Variants in KSR1 observed in about 807,000 individuals in gnomAD.
KSR1 encodes the protein kinase suppressor of ras.
In KSR1, 35 loss-of-function variants were observed where a neutral mutation model predicts 92.9. The observed-to-expected ratio is 0.38, with a 90% CI of 0.29 to 0.50. The LOEUF (loss-of-function observed/expected upper bound fraction) is 0.50. KSR1 is among the 20% of genes least tolerant of loss of function. KSR1 has a pLI of 0.94. For synonymous variants in KSR1, 467 were observed against 472.6 expected, an observed-to-expected ratio of 0.99 and a Z score of 0.15; for missense variants, 972 against 1,158.5, an observed-to-expected ratio of 0.84 and a Z score of 2.34.
intron 1 of KSR1, among the ~76,000 whole-genome samples, chr17:27,473,512 A>G (rs1167015258): frequency 6.6e-6 from 1 of 152,190 alleles, no homozygotes; most frequent in African/African-American, 2.4e-5. Context: ...GGAGAGGGGC[A>G]TCCTTGTGAG....
intron 2 of KSR1, among the ~76,000 whole-genome samples, chr17:27,552,279 C>T (rs1034217012): frequency 2.6e-5 from 4 of 152,212 alleles, no homozygotes; most frequent in African/African-American, 9.7e-5. Flanking sequence ...CCATGAGACA[C>T]GGCCTTGCTG....
At chr17:27,606,223 G>A (rs1234123390) in intron 14 of KSR1, among the ~76,000 whole-genome samples, 1 of 152,182 alleles carries the variant, frequency 6.6e-6, no homozygotes, top group Non-Finnish European at 1.5e-5. Context: ...AGGCTGCAGC[G>A]AGCCAAGATC....
chr17:27,610,033 G>T (rs371898493), intron 16 of KSR1, 34 bp from the exon 17 acceptor site: 4 of 1,612,052 alleles, frequency 2.5e-6, no homozygotes, highest in Admixed American at 1.7e-5. Flanking sequence ...CTGCTGAAAG[G>T]CCTGTGTCCT....
At chr17:27,534,003 A>T (rs2070657546) in intron 1 of KSR1, among the ~76,000 whole-genome samples, 1 of 152,198 alleles carries the variant, frequency 6.6e-6, no homozygotes, top group African/African-American at 2.4e-5. Flanking sequence ...ACCACTATCC[A>T]GGTCTGGAGA....
chr17:27,609,965 T>C (rs2073869220), intron 16 of KSR1, 102 bp from the exon 17 acceptor site: 2 of 1,459,652 alleles, frequency 1.4e-6, no homozygotes, highest in Non-Finnish European at 1.9e-6. Context: ...TTCTAAGCTG[T>C]GTGTGGGTGT....
At chr17:27,553,073 CCTT>C (rs1026090907) in intron 2 of KSR1, among the ~76,000 whole-genome samples, 72 of 152,326 alleles carry the variant, frequency 4.7e-4, no homozygotes, top group African/African-American at 1.6e-3. Flanking sequence ...ACTTCTCTCT[CCTT>C]CTTCTTGGAA....
At chr17:27,472,703 T>C (rs2020082655) in intron 1 of KSR1, among the ~76,000 whole-genome samples, 2 of 152,148 alleles carry the variant, frequency 1.3e-5, no homozygotes, top group African/African-American at 4.8e-5. Flanking sequence ...CTCAGGAGGC[T>C]GAGGCAGGAG....
chr17:27,591,041 T>C, intron 7 of KSR1, 147 bp downstream of exon 7: 3 of 677,002 alleles, frequency 4.4e-6, no homozygotes, highest in Non-Finnish European at 5.1e-6. Flanking sequence ...AAGTTACTCC[T>C]GGAAGAAGGG....
chr17:27,513,673 C>A (rs1175127492), intron 1 of KSR1, among the ~76,000 whole-genome samples: 4 of 152,186 alleles, frequency 2.6e-5, no homozygotes, highest in Non-Finnish European at 2.9e-5. Flanking sequence ...TGTCTCTGAG[C>A]TTCTCTTGGG....
chr17:27,541,833 G>A (rs1190217079), intron 1 of KSR1, among the ~76,000 whole-genome samples: 1 of 152,230 alleles, frequency 6.6e-6, no homozygotes, highest in Non-Finnish European at 1.5e-5. Flanking sequence ...ATTTGTGAGT[G>A]ACGGCAAAGG....
chr17:27,495,462 C>T (rs1311077954), intron 1 of KSR1, among the ~76,000 whole-genome samples: 2 of 152,200 alleles, frequency 1.3e-5, no homozygotes, highest in African/African-American at 4.8e-5. Flanking sequence ...ACTTGGAGGA[C>T]ATGTCTGCCC....
intron 1 of KSR1, among the ~76,000 whole-genome samples, chr17:27,536,769 G>T (rs974113125): frequency 6.6e-6 from 1 of 152,214 alleles, no homozygotes; most frequent in Non-Finnish European, 1.5e-5. Flanking sequence ...GACCCTGGGT[G>T]GGGACCATTC....
intron 1 of KSR1, among the ~76,000 whole-genome samples, chr17:27,467,235 TCCAG>T (rs1448730533): frequency 2.0e-5 from 3 of 152,212 alleles, no homozygotes; most frequent in Non-Finnish European, 2.9e-5. Flanking sequence ...CCTCTCTCCG[TCCAG>T]CTGGAAAATC....
At chr17:27,543,094 G>T (rs960526426) in intron 1 of KSR1, among the ~76,000 whole-genome samples, 5 of 152,222 alleles carry the variant, frequency 3.3e-5, no homozygotes, top group Non-Finnish European at 7.3e-5. Context: ...CAGCACAATG[G>T]CTGGCCTGTC....
intron 3 of KSR1, among the ~76,000 whole-genome samples, chr17:27,581,981 C>T (rs753912262): frequency 5.3e-5 from 8 of 152,190 alleles, no homozygotes; most frequent in Non-Finnish European, 1.2e-4. Flanking sequence ...AATAGCCCCT[C>T]GTCCCAATGT....
intron 2 of KSR1, among the ~76,000 whole-genome samples, chr17:27,562,963 C>T (rs2071892594): frequency 6.6e-6 from 1 of 152,190 alleles, no homozygotes; most frequent in Non-Finnish European, 1.5e-5. Flanking sequence ...GTCTTAGCTG[C>T]TCTTGCTGGA....
intron 2 of KSR1, among the ~76,000 whole-genome samples, chr17:27,571,045 G>A (rs1395529594): frequency 4.6e-5 from 7 of 152,208 alleles, no homozygotes; most frequent in Non-Finnish European, 8.8e-5. Context: ...GGGGCATTGC[G>A]GGGACCCAGT....
chr17:27,555,320 C>A (rs1399491665), intron 2 of KSR1, among the ~76,000 whole-genome samples: 1 of 152,162 alleles, frequency 6.6e-6, no homozygotes, highest in African/African-American at 2.4e-5. Flanking sequence ...TGTCTTTTCT[C>A]CTCCGTTTAT....
intron 1 of KSR1, chr17:27,526,939 C>G (rs1445963061): frequency 1.2e-5 from 7 of 603,798 alleles, no homozygotes; most frequent in East Asian, 5.6e-5. Flanking sequence ...CTGACGCTCC[C>G]TTTCACCTTC....
Sources: gnomAD v4.1 joint callset for allele counts (sites outside exome capture counted in the v4.1 genomes callset) on GRCh38, gnomAD v4.1.1 for gene constraint, MANE v1.5 for transcripts, NCBI Gene and HGNC (gene_info 2026-07-23, HGNC 2026-07-21) for gene names.